Variants in BMP6 observed in about 807,000 individuals in gnomAD.
The protein encoded by BMP6 is bone morphogenetic protein 6.
BMP6 carries 17 observed loss-of-function variants against 54.1 expected under a neutral mutation model. That is an observed-to-expected ratio of 0.31 (90% CI 0.22 to 0.47). The LOEUF (loss-of-function observed/expected upper bound fraction) is 0.47. BMP6 is among the 20% of genes least tolerant of loss of function. BMP6 has a pLI of 1.00. For synonymous variants in BMP6, 328 were observed against 291.2 expected, an observed-to-expected ratio of 1.13 and a Z score of -1.28; for missense variants, 720 against 690.4, an observed-to-expected ratio of 1.04 and a Z score of -0.48.
intron 1 of BMP6, among the ~76,000 whole-genome samples, chr6:7,817,495 G>GT (rs1173566881): frequency 1.4e-5 from 2 of 144,968 alleles, no homozygotes; most frequent in African/African-American, 5.1e-5. Flanking sequence ...AACACCGCAT[G>GT]TTCTCACTCA....
intron 2 of BMP6, among the ~76,000 whole-genome samples, chr6:7,860,297 T>A (rs1051637552): frequency 6.6e-6 from 1 of 152,222 alleles, no homozygotes; most frequent in Non-Finnish European, 1.5e-5. Context: ...AGTATTTAAT[T>A]TTAGTCGTTT....
chr6:7,870,074 G>T (rs1185141103), intron 4 of BMP6, among the ~76,000 whole-genome samples: 1 of 152,134 alleles, frequency 6.6e-6, no homozygotes, highest in African/African-American at 2.4e-5. Flanking sequence ...CCCATCCGCT[G>T]GACTCCAGAA....
At chr6:7,749,908 G>A (rs958663852) in intron 1 of BMP6, among the ~76,000 whole-genome samples, 1 of 152,198 alleles carries the variant, frequency 6.6e-6, no homozygotes, top group African/African-American at 2.4e-5. Context: ...ATCCCAGATG[G>A]TTTTTAATCA....
chr6:7,785,704 GTC>G (rs1758010296), intron 1 of BMP6, among the ~76,000 whole-genome samples: 3 of 152,168 alleles, frequency 2.0e-5, no homozygotes, highest in South Asian at 4.1e-4. Flanking sequence ...TTAAAAAAAA[GTC>G]TGTTTATGGA....
chr6:7,752,236 A>G (rs1022155397), intron 1 of BMP6, among the ~76,000 whole-genome samples: 2 of 152,230 alleles, frequency 1.3e-5, no homozygotes. Flanking sequence ...ACAAACAGAC[A>G]TGGCTGTATT....
intron 1 of BMP6, among the ~76,000 whole-genome samples, chr6:7,841,968 C>T (rs1379435069): frequency 2.0e-5 from 3 of 152,046 alleles, no homozygotes; most frequent in South Asian, 2.1e-4. Flanking sequence ...GAGCATTTGC[C>T]AAGATTCTTC....
intron 1 of BMP6, among the ~76,000 whole-genome samples, chr6:7,743,911 AT>A (rs1757305484): frequency 2.0e-5 from 3 of 152,196 alleles, no homozygotes; most frequent in African/African-American, 7.2e-5. Flanking sequence ...GTCTTCCTTC[AT>A]GTTGATTTCT....
intron 2 of BMP6, among the ~76,000 whole-genome samples, chr6:7,850,757 C>T (rs962865671): frequency 6.6e-6 from 1 of 152,140 alleles, no homozygotes; most frequent in African/African-American, 2.4e-5. Flanking sequence ...GTTTTGAGCT[C>T]AGCAGAATGA....
At chr6:7,728,783 G>A (rs1161709936) in intron 1 of BMP6, among the ~76,000 whole-genome samples, 1 of 152,178 alleles carries the variant, frequency 6.6e-6, no homozygotes, top group Non-Finnish European at 1.5e-5. Flanking sequence ...TGAAGTGGGT[G>A]AGCAGACACT....
intron 1 of BMP6, among the ~76,000 whole-genome samples, chr6:7,745,895 G>C (rs1757339256): frequency 6.6e-6 from 1 of 152,100 alleles, no homozygotes; most frequent in Non-Finnish European, 1.5e-5. Context: ...TTGAACCCAG[G>C]AGGCGGAGGT....
intron 5 of BMP6, among the ~76,000 whole-genome samples, chr6:7,879,556 C>T (rs1387870427): frequency 6.6e-6 from 1 of 152,206 alleles, no homozygotes; most frequent in Non-Finnish European, 1.5e-5. Context: ...CCAAACGATG[C>T]AGAAGAGCAC....
intron 1 of BMP6, among the ~76,000 whole-genome samples, chr6:7,832,032 G>T (rs1272006872): frequency 6.6e-6 from 1 of 152,176 alleles, no homozygotes; most frequent in Admixed American, 6.5e-5. Flanking sequence ...AGCCCAGCAG[G>T]TTAAGGTAGA....
At chr6:7,872,468 T>C (rs1454072633) in intron 4 of BMP6, among the ~76,000 whole-genome samples, 3 of 152,236 alleles carry the variant, frequency 2.0e-5, no homozygotes, top group African/African-American at 7.2e-5. Flanking sequence ...AGAGTATCTG[T>C]AGGAAGAAAA....
At chr6:7,807,983 C>T (rs1049369238) in intron 1 of BMP6, among the ~76,000 whole-genome samples, 36 of 144,626 alleles carry the variant, frequency 2.5e-4, no homozygotes, top group African/African-American at 7.3e-4. Context: ...TGCAGTGGCA[C>T]GATCTCAGCT....
chr6:7,804,345 CATT>C (rs1758315240), intron 1 of BMP6, among the ~76,000 whole-genome samples: 1 of 151,992 alleles, frequency 6.6e-6, no homozygotes, highest in South Asian at 2.1e-4. Flanking sequence ...CTCCTCTTCT[CATT>C]AGCCATCTGG....
rs755551885 is a variant in BMP6 at position 7,727,321 on chromosome 6, A to G, written c.366A>G (p.Gly122=). Residue 122 remains glycine (G), a synonymous_variant, in exon 1 of 7, where the codon GGA becomes GGG. Transcript: ENST00000283147. The stretch of plus-strand genomic sequence containing the variant: ...AGCAGCAGCAGCAGCTGCCTCGCGG[A>G]GAGCCCCCTCCCGGGCGACTGAAGT... ...EQQQQQQLPR[G]EPPPGRLKSA... 1.9e-6 allele frequency: 3 copies of G among 1,609,136 alleles called. No individual in the cohort carries two copies. Among genetic ancestry groups the G allele is most frequent in the East Asian group, 4.5e-5 (2 of 44,754 alleles).
chr6:7,873,266 C>T (rs985393217), intron 4 of BMP6, among the ~76,000 whole-genome samples: 15 of 152,158 alleles, frequency 9.9e-5, no homozygotes, highest in East Asian at 3.8e-4. Flanking sequence ...TTCACATTAC[C>T]GCCCTTCATG....
intron 4 of BMP6, among the ~76,000 whole-genome samples, chr6:7,872,264 TTCTGTAA>T (rs373094767): frequency 1.9e-3 from 289 of 151,604 alleles, no homozygotes; most frequent in African/African-American, 6.6e-3. Context: ...GGAAAGTTTT[TTCTGTAA>T]TCTGTAATCT....
rs1262660373 is a variant in BMP6 at position 7,854,551 on chromosome 6, C to G, written c.858-6900C>G. ...GTGGCTCACGCCTGTGATCCCAGCA[C>G]TTGGCGAGGCCGGGGCAGGCGGGTC... On this transcript the variant is annotated intron_variant, in intron 2 of 6. Transcript: ENST00000283147. Among the ~76,000 whole-genome samples the G allele has an allele frequency of 3.3e-5, 5 of 152,346 alleles. No homozygotes were observed. In the East Asian group the frequency reaches 9.7e-4, roughly 29 times the overall value.
Sources: gnomAD v4.1 joint callset for allele counts (sites outside exome capture counted in the v4.1 genomes callset) on GRCh38, gnomAD v4.1.1 for gene constraint, MANE v1.5 for transcripts, NCBI Gene and HGNC (gene_info 2026-07-23, HGNC 2026-07-21) for gene names.